The following NFIA variants were observed in gnomAD, a reference collection of about 807,000 sequenced individuals.
NFIA encodes the protein nuclear factor I A.
A neutral mutation model predicts 62.8 loss-of-function variants in NFIA; 8 were observed. The observed-to-expected ratio is 0.13, with a 90% confidence interval of 0.07 to 0.23. NFIA has a LOEUF of 0.23. NFIA is among the 10% of genes least tolerant of loss of function. The pLI is 1.00. For synonymous variants in NFIA, 235 were observed against 238.1 expected (o/e 0.99, Z 0.12); for missense variants, 410 against 642.1 (o/e 0.64, Z 3.91).
chr1:61,380,472 T>G (rs1011257039), intron 6 of NFIA, among the ~76,000 whole-genome samples: 1 of 152,196 alleles, frequency 6.6e-6, no homozygotes, highest in Non-Finnish European at 1.5e-5. Context: ...AAAAAGGAGT[T>G]TATTTTTAAA....
intron 9 of NFIA, among the ~76,000 whole-genome samples, chr1:61,410,837 C>G (rs2064633): frequency 0.76 from 115,339 of 152,080 alleles, 44,973 homozygotes; most frequent in East Asian, 0.98. Context: ...AGCCTAGGAG[C>G]TTGAGGCTGC....
chr1:61,160,236 G>T (rs983839135), intron 2 of NFIA, among the ~76,000 whole-genome samples: 3 of 152,136 alleles, frequency 2.0e-5, no homozygotes, highest in African/African-American at 7.2e-5. Flanking sequence ...CTAGGTTAGT[G>T]CTCTTAAAGG....
At chr1:61,454,683 G>A (rs1223361637) in intron 10 of NFIA, among the ~76,000 whole-genome samples, 1 of 152,162 alleles carries the variant, frequency 6.6e-6, no homozygotes, top group Admixed American at 6.5e-5. Context: ...GAAAAATACT[G>A]TGACTTGCTC....
At chr1:61,187,380 G>C (rs1452202534) in intron 2 of NFIA, among the ~76,000 whole-genome samples, 1 of 152,138 alleles carries the variant, frequency 6.6e-6, no homozygotes, top group African/African-American at 2.4e-5. Flanking sequence ...CCATCCCTCA[G>C]CTGCTTCTCC....
chr1:61,455,447 C>G lies in NFIA; in HGVS notation c.*127C>G. On this transcript the variant is annotated 3_prime_UTR_variant, in exon 11 of 11. Transcript: ENST00000403491. ...CAGCGGAAGGGGAGAAAAACCGATT[C>G]AAATCAACTTGTACATGGAAACAGC... is the stretch of plus-strand genomic sequence containing the variant. 3 of 1,463,312 alleles carry G rather than the reference C, an allele frequency of 2.1e-6. No individual in the cohort carries two copies. Among genetic ancestry groups the G allele is most frequent in the Non-Finnish European group, 2.9e-6 (3 of 1,052,456 alleles). The allele number at this position is 1,463,312 out of a possible 1,614,324, so 90.6% of individuals were successfully genotyped here. A position where few individuals can be genotyped will look rare whatever the true frequency, so the allele number is the denominator to read the frequency against.
At chr1:61,236,954 C>T (rs528083795) in intron 2 of NFIA, among the ~76,000 whole-genome samples, 16 of 152,262 alleles carry the variant, frequency 1.1e-4, no homozygotes, top group Non-Finnish European at 1.5e-5. Context: ...TGAGGTGTTT[C>T]ATAATTGTTG....
intron 2 of NFIA, among the ~76,000 whole-genome samples, chr1:61,227,633 C>A (rs1009900648): frequency 6.6e-6 from 1 of 152,116 alleles, no homozygotes; most frequent in Non-Finnish European, 1.5e-5. Context: ...CTTCTCTAAC[C>A]CCTGCAGTTT....
At position 61,406,570 on chromosome 1, in the gene NFIA, G is replaced by C. The variant is rs374143155; in HGVS notation, c.1263G>C (p.Gly421=). 7.3e-5 allele frequency: 93 copies of C among 1,266,464 alleles called. No individual in the cohort carries two copies. The highest frequency in any genetic ancestry group is 9.4e-5 in the Non-Finnish European group (86 of 915,008). 78.5% of individuals were successfully genotyped at this position (1,266,464 alleles called of 1,614,324 possible). A position where few individuals can be genotyped will look rare whatever the true frequency, so the allele number is the denominator to read the frequency against. ...CCCCCCCCCCCCCACAGCCCAATGGGAGCAGCCAAGGCAAGGTGCACAACC... is the reference window on the plus strand; with the variant it reads ...CCCCCCCCCCCCCACAGCCCAATGGCAGCAGCCAAGGCAAGGTGCACAACC... The part of the protein sequence containing the change: ...AGQVGFLNPN[G]SSQGKVHNPF... Residue 421 remains glycine (G), a synonymous_variant, in exon 9 of 11, where the codon GGG becomes GGC. Transcript: ENST00000403491.
At chr1:61,120,349 T>A (rs568814081) in intron 2 of NFIA, among the ~76,000 whole-genome samples, 1 of 152,354 alleles carries the variant, frequency 6.6e-6, no homozygotes, top group South Asian at 2.1e-4. Context: ...TCCTCCAGAA[T>A]GTAGAAGAAA....
At chr1:61,169,900 A>G (rs548917200) in intron 2 of NFIA, among the ~76,000 whole-genome samples, 1 of 152,222 alleles carries the variant, frequency 6.6e-6, no homozygotes, top group Admixed American at 6.5e-5. Flanking sequence ...TTGAACAGCA[A>G]AGATTTTTAG....
chr1:61,269,162 G>A (rs572351680), intron 2 of NFIA, among the ~76,000 whole-genome samples: 10 of 147,990 alleles, frequency 6.8e-5, no homozygotes, highest in South Asian at 4.3e-4. Context: ...GTAGAAAACC[G>A]ACAAGAAAAG....
intron 2 of NFIA, among the ~76,000 whole-genome samples, chr1:61,180,100 C>G (rs1650656658): frequency 6.6e-6 from 1 of 152,142 alleles, no homozygotes; most frequent in African/African-American, 2.4e-5. Flanking sequence ...ACGAGTCACA[C>G]TGAAAGAGGC....
upstream of NFIA, among the ~76,000 whole-genome samples, chr1:61,080,340 T>C (rs1484616700): frequency 4.6e-5 from 7 of 152,158 alleles, no homozygotes; most frequent in East Asian, 1.9e-4. Context: ...ATCTTTTTTT[T>C]CCTTGAGACT....
At chr1:61,223,909 A>G (rs921735637) in intron 2 of NFIA, among the ~76,000 whole-genome samples, 1 of 152,102 alleles carries the variant, frequency 6.6e-6, no homozygotes, top group Non-Finnish European at 1.5e-5. Context: ...AATAATTAAA[A>G]CCCATATTCA....
upstream of NFIA, chr1:61,081,909 C>T (rs1466323663): frequency 6.4e-5 from 99 of 1,548,162 alleles, no homozygotes; most frequent in Non-Finnish European, 8.2e-5. Flanking sequence ...AAAAAGTTAC[C>T]TAGGAGGTCT....
chr1:61,336,682 T>G (rs1166565316), intron 4 of NFIA, among the ~76,000 whole-genome samples: 2 of 152,174 alleles, frequency 1.3e-5, no homozygotes, highest in Non-Finnish European at 2.9e-5. Context: ...TACCTCCCAC[T>G]CCCCACCACT....
rs111481927 is a variant in NFIA, at chr1:61,174,743, A to G, written c.559+86063A>G. Among the ~76,000 whole-genome samples, 671 of 152,336 alleles carry G rather than the reference A, an allele frequency of 4.4e-3. 3 individuals are homozygous for G. The highest frequency in any genetic ancestry group is 0.016 in the African/African-American group (649 of 41,578). On this transcript the variant is annotated intron_variant, in intron 2 of 10. Coordinates refer to ENST00000403491, the MANE Select transcript of NFIA (RefSeq NM_001134673.4). ...TTTGAGTACCTCCTGTGTGCCTGAT[A>G]CTATGATGGATACATATGCCTAGGG...
intron 2 of NFIA, among the ~76,000 whole-genome samples, chr1:61,220,204 C>T (rs138565424): frequency 6.6e-6 from 1 of 152,246 alleles, no homozygotes; most frequent in South Asian, 2.1e-4. Context: ...TCTGTCACCT[C>T]CTGTTTGTTT....
intron 2 of NFIA, among the ~76,000 whole-genome samples, chr1:61,216,401 C>T (rs1324624999): frequency 2.0e-5 from 3 of 152,046 alleles, no homozygotes; most frequent in Admixed American, 2.0e-4. Context: ...TGACTATAAA[C>T]ATTTCAAAGA....
Sources: gnomAD v4.1 joint callset for allele counts (sites outside exome capture counted in the v4.1 genomes callset) on GRCh38, gnomAD v4.1.1 for gene constraint, MANE v1.5 for transcripts, NCBI Gene and HGNC (gene_info 2026-07-23, HGNC 2026-07-21) for gene names.